Variants in CTTNBP2 observed in about 807,000 individuals in gnomAD.
The protein encoded by CTTNBP2 is cortactin binding protein 2.
In CTTNBP2, 108 loss-of-function variants were observed where a neutral mutation model predicts 156.9. The observed-to-expected ratio is 0.69, with a 90% confidence interval of 0.59 to 0.81. The LOEUF is 0.81. CTTNBP2 is among the 30% of genes least tolerant of loss of function. The pLI, the probability that CTTNBP2 is intolerant of heterozygous loss-of-function variation, is 0.00. For missense variants in CTTNBP2, 1,924 were observed against 2,035.4 expected (o/e 0.95, Z 1.05); for synonymous variants, 767 against 751.8 (o/e 1.02, Z -0.33).
At chr7:117,763,115 C>CA (rs1797295205) in intron 9 of CTTNBP2, among the ~76,000 whole-genome samples, 1 of 152,016 alleles carries the variant, frequency 6.6e-6, no homozygotes, top group Non-Finnish European at 1.5e-5. Context: ...CTCACAATGC[C>CA]AAAAAATAAA....
chr7:117,784,575 G>C (rs1197362859), intron 4 of CTTNBP2, 121 bp from the exon 5 acceptor site: 5 of 611,384 alleles, frequency 8.2e-6, no homozygotes, highest in Non-Finnish European at 1.3e-5. Flanking sequence ...AGGATTATGT[G>C]GTTTCTAACA....
intron 6 of CTTNBP2, among the ~76,000 whole-genome samples, chr7:117,781,187 AG>A (rs1798417815): frequency 6.6e-6 from 1 of 152,242 alleles, no homozygotes; most frequent in Non-Finnish European, 1.5e-5. Flanking sequence ...CTGAGAATCA[AG>A]GAGGAAAGAA....
At chr7:117,871,793 CCACACACACA>C (rs10545703) in intron 1 of CTTNBP2, 7 of 213,326 alleles carry the variant, frequency 3.3e-5, no homozygotes, top group Non-Finnish European at 4.5e-5. Context: ...AAGAAACACA[CCACACACACA>C]CACACACACA....
At chr7:117,784,490 G>A (rs746479697) in intron 4 of CTTNBP2, 36 bp from the exon 5 acceptor site, 1 of 1,464,714 alleles carries the variant, frequency 6.8e-7, no homozygotes, top group Non-Finnish European at 9.2e-7. Context: ...GAGAGTAGGA[G>A]CAAGGACAAG....
chr7:117,711,906 A>G (rs990245179), intron 22 of CTTNBP2, 124 bp from the exon 23 acceptor site: 3 of 942,502 alleles, frequency 3.2e-6, no homozygotes, highest in Non-Finnish European at 4.6e-6. Context: ...CTCGTGAAAA[A>G]TCAAAAGAAA....
chr7:117,851,300 A>G (rs968369411), intron 2 of CTTNBP2, among the ~76,000 whole-genome samples: 3 of 152,104 alleles, frequency 2.0e-5, no homozygotes, highest in African/African-American at 7.2e-5. Context: ...GAAATAAAGG[A>G]AAATAATGCA....
chr7:117,762,560 C>T (rs934068980), intron 9 of CTTNBP2, among the ~76,000 whole-genome samples: 1 of 152,212 alleles, frequency 6.6e-6, no homozygotes, highest in Non-Finnish European at 1.5e-5. Context: ...CATTCCTACA[C>T]TGAGCCACCA....
At chr7:117,842,113 G>T (rs1350057487) in intron 2 of CTTNBP2, among the ~76,000 whole-genome samples, 1 of 152,146 alleles carries the variant, frequency 6.6e-6, no homozygotes, top group Non-Finnish European at 1.5e-5. Context: ...TAAAAAATAG[G>T]TTAATAATAG....
In CTTNBP2 at chr7:117,810,984, G is replaced by A. The variant is rs1366270157; in HGVS notation, c.195C>T (p.Arg65=). The part of the protein sequence containing the change: ...RDLVIEALRA[R]RKEVFIQERY... Reference sequence around the variant, plus strand: ...GTTCCTGGATAAATACCTCCTTCCTGCGAGCCTGGAACAAAATTAGAGAAA... The same window carrying A: ...GTTCCTGGATAAATACCTCCTTCCTACGAGCCTGGAACAAAATTAGAGAAA... The change falls in exon 3 of 23, where the codon CGC becomes CGT. Residue 65 remains arginine (R), a synonymous_variant. Transcript: ENST00000160373. The A allele has an allele frequency of 1.9e-6, 3 of 1,610,660 alleles. No individual in the cohort carries two copies. The highest frequency in any genetic ancestry group is 2.2e-5 in the South Asian group (2 of 90,938).
intron 7 of CTTNBP2, among the ~76,000 whole-genome samples, chr7:117,779,763 GTA>G (rs1484020084): frequency 1.3e-5 from 2 of 150,860 alleles, no homozygotes; most frequent in African/African-American, 4.9e-5. Flanking sequence ...ATATGTATAT[GTA>G]TATATATTTT....
intron 12 of CTTNBP2, among the ~76,000 whole-genome samples, chr7:117,754,284 T>C (rs1333345062): frequency 6.6e-6 from 1 of 152,240 alleles, no homozygotes; most frequent in Admixed American, 6.5e-5. Flanking sequence ...TAGTGCTTTC[T>C]GCCTCCCCGT....
intron 7 of CTTNBP2, 60 bp downstream of exon 7, chr7:117,780,381 G>A: frequency 8.9e-7 from 1 of 1,126,188 alleles, no homozygotes; most frequent in Non-Finnish European, 1.2e-6. Flanking sequence ...TCTAGTTATA[G>A]AGTTTACAAA....
intron 8 of CTTNBP2, among the ~76,000 whole-genome samples, chr7:117,769,030 C>G (rs1797669122): frequency 6.6e-6 from 1 of 152,136 alleles, no homozygotes; most frequent in South Asian, 2.1e-4. Flanking sequence ...CTGTGGTGTA[C>G]ACGTTTGGTG....
chr7:117,715,730 T>TA (rs1794318905), intron 22 of CTTNBP2: 1 of 152,234 alleles, frequency 6.6e-6, no homozygotes. Context: ...ATAATAAAGA[T>TA]AACTTACTCA....
At position 117,719,587 on chromosome 7, in the gene CTTNBP2, A is replaced by G; in HGVS notation, c.4561T>C (p.Ser1521Pro). Residue 1521 changes from serine (S) to proline (P), a missense_variant, in exon 21 of 23, where the codon TCT becomes CCT. By Grantham distance (74) the Ser-to-Pro change is moderately conservative. Coordinates refer to ENST00000160373, the MANE Select transcript of CTTNBP2 (RefSeq NM_033427.3). ...TCTGCTTCGTCATCTGAACCCAGAGAGAGTCTCTGATCCAAATTCAACGTC... is the reference window on the plus strand; with the variant it reads ...TCTGCTTCGTCATCTGAACCCAGAGGGAGTCTCTGATCCAAATTCAACGTC... ...SLTLNLDQRL[S>P]LGSDDEADLV... is the part of the protein sequence containing the mutation. 1 of 1,613,762 alleles carries G rather than the reference A, an allele frequency of 6.2e-7. No individual in the cohort carries two copies. Among genetic ancestry groups the G allele is most frequent in the Non-Finnish European group, 8.5e-7 (1 of 1,179,712 alleles).
At chr7:117,714,630 A>C (rs1794241215) in intron 22 of CTTNBP2, among the ~76,000 whole-genome samples, 1 of 152,198 alleles carries the variant, frequency 6.6e-6, no homozygotes, top group Non-Finnish European at 1.5e-5. Flanking sequence ...GAGGCAGGAA[A>C]TATCCACATG....
At chr7:117,720,148 C>A (rs1794700019) in intron 20 of CTTNBP2, among the ~76,000 whole-genome samples, 1 of 152,046 alleles carries the variant, frequency 6.6e-6, no homozygotes, top group Non-Finnish European at 1.5e-5. Context: ...GCGGTCCTGG[C>A]AGAAAATAGC....
intron 2 of CTTNBP2, among the ~76,000 whole-genome samples, chr7:117,842,238 T>C (rs142129872): frequency 2.6e-5 from 4 of 152,334 alleles, no homozygotes; most frequent in African/African-American, 9.6e-5. Flanking sequence ...TTCACTCTTG[T>C]TGCCTAGGCT....
chr7:117,860,025 C>T (rs936654496), intron 2 of CTTNBP2, among the ~76,000 whole-genome samples: 3 of 152,178 alleles, frequency 2.0e-5, no homozygotes, highest in African/African-American at 4.8e-5. Context: ...CTACCATATA[C>T]GCTCCTGTCA....
Sources: gnomAD v4.1 joint callset for allele counts (sites outside exome capture counted in the v4.1 genomes callset) on GRCh38, gnomAD v4.1.1 for gene constraint, MANE v1.5 for transcripts, NCBI Gene and HGNC (gene_info 2026-07-23, HGNC 2026-07-21) for gene names.